Variants in POU2F3 observed in about 807,000 individuals in gnomAD.
POU2F3 encodes POU class 2 homeobox 3, also known as POU domain, class 2, transcription factor 3.
Under a neutral mutation model 59.2 loss-of-function variants are expected in POU2F3, and 23 were observed. The observed-to-expected ratio is 0.39, with a 90% confidence interval of 0.28 to 0.55. POU2F3 has a LOEUF of 0.55. Ranked by LOEUF, POU2F3 falls within the 20% of genes least tolerant of loss-of-function variation. POU2F3 has a pLI of 0.66. For synonymous variants in POU2F3, 190 were observed against 214.6 expected (o/e 0.89, Z 1.00); for missense variants, 473 against 544.5 (o/e 0.87, Z 1.31).
intron 9 of POU2F3, among the ~76,000 whole-genome samples, chr11:120,308,670 A>G (rs1349015851): frequency 6.6e-6 from 1 of 151,822 alleles, no homozygotes; most frequent in Non-Finnish European, 1.5e-5. Context: ...AGGCATGGTG[A>G]CTCATGCCTG....
chr11:120,279,759 G>A (rs1410846495), intron 3 of POU2F3, among the ~76,000 whole-genome samples: 2 of 152,184 alleles, frequency 1.3e-5, no homozygotes, highest in Non-Finnish European at 2.9e-5. Context: ...GCCCCATAAT[G>A]AACAGCACAG....
chr11:120,248,463 C>A (rs1163356350), intron 2 of POU2F3, among the ~76,000 whole-genome samples: 1 of 152,206 alleles, frequency 6.6e-6, no homozygotes, highest in Non-Finnish European at 1.5e-5. Flanking sequence ...CACATGGCAG[C>A]TGTGATCGTC....
rs1269657761 is a variant in POU2F3 at position 120,319,208 on chromosome 11, C to T, written c.*816C>T. 3 of 152,602 alleles carry T rather than the reference C, an allele frequency of 2.0e-5. No individual in the cohort carries two copies. The highest frequency in any genetic ancestry group is 2.4e-5 in the African/African-American group (1 of 41,432). 9.5% of individuals were successfully genotyped at this position (152,602 alleles called of 1,614,324 possible). A position where few individuals can be genotyped will look rare whatever the true frequency, so the allele number is the denominator to read the frequency against. ...AGAAAAGGAAGAACACAAGAGCAAA[C>T]ACACAACAATGATGGTGGCAAAGTA... On this transcript the variant is annotated 3_prime_UTR_variant, in exon 13 of 13. Coordinates refer to ENST00000543440, the MANE Select transcript of POU2F3 (RefSeq NM_014352.4).
At chr11:120,299,756 C>T (rs992307939) in intron 5 of POU2F3, 30 bp downstream of exon 5, 1 of 1,563,810 alleles carries the variant, frequency 6.4e-7, no homozygotes, top group African/African-American at 1.4e-5. Context: ...CCACCTAGAC[C>T]AAGTCCAGTC....
Position 120,246,447 on chromosome 11 carries a change from A to G in POU2F3, c.29-2A>G, listed in dbSNP as rs774458859. 1 of 1,614,030 alleles carries G rather than the reference A, an allele frequency of 6.2e-7. No individual in the cohort carries two copies. The highest frequency in any genetic ancestry group is 8.5e-7 in the Non-Finnish European group (1 of 1,179,980). ...TTAAAATCAGTTGTGTTTTCCCTGC[A>G]GATATCAAGATGAGTGGGGATGTAG... On this transcript the variant is annotated splice_acceptor_variant, in intron 1 of 12. Coordinates refer to ENST00000543440, the MANE Select transcript of POU2F3 (RefSeq NM_014352.4). LOFTEE classifies it high-confidence loss of function.
intron 3 of POU2F3, among the ~76,000 whole-genome samples, chr11:120,277,767 G>A (rs1340425469): frequency 6.6e-6 from 1 of 152,132 alleles, no homozygotes; most frequent in Non-Finnish European, 1.5e-5. Context: ...GGGCAGCAGC[G>A]AGACTCCGTT....
intron 2 of POU2F3, among the ~76,000 whole-genome samples, chr11:120,252,588 G>A (rs1362146121): frequency 6.6e-6 from 1 of 152,096 alleles, no homozygotes; most frequent in African/African-American, 2.4e-5. Flanking sequence ...GTACTGATTC[G>A]CCACTCAGCC....
intron 3 of POU2F3, among the ~76,000 whole-genome samples, chr11:120,296,949 A>G (rs1941209069): frequency 6.6e-6 from 1 of 152,240 alleles, no homozygotes; most frequent in African/African-American, 2.4e-5. Context: ...ATTAAGCACA[A>G]GTTTAGCTGT....
chr11:120,289,830 G>A (rs1403595652), intron 3 of POU2F3, among the ~76,000 whole-genome samples: 3 of 152,102 alleles, frequency 2.0e-5, no homozygotes, highest in Admixed American at 2.0e-4. Flanking sequence ...AAAGCGAATG[G>A]CAGCCTTTTC....
In POU2F3 at chr11:120,319,129, C is replaced by T. The variant is rs1478079523; in HGVS notation, c.*737C>T. ...TAGGGCTCAGGAGTGCTTGTTCTTT[C>T]CCTTCCTCCCTGTGTTTCTCTTTAT... On this transcript the variant is annotated 3_prime_UTR_variant, in exon 13 of 13. Coordinates refer to ENST00000543440, the MANE Select transcript of POU2F3 (RefSeq NM_014352.4). 6.6e-6 allele frequency: 1 copy of T among 152,650 alleles called. No homozygotes were observed. The highest frequency in any genetic ancestry group is 1.5e-5 in the Non-Finnish European group (1 of 68,082). The allele number at this position is 152,650 out of a possible 1,614,324, so 9.5% of individuals were successfully genotyped here. A position where few individuals can be genotyped will look rare whatever the true frequency, so the allele number is the denominator to read the frequency against.
At chr11:120,310,944 C>T (rs1941633648) in intron 10 of POU2F3, among the ~76,000 whole-genome samples, 1 of 152,184 alleles carries the variant, frequency 6.6e-6, no homozygotes, top group East Asian at 1.9e-4. Flanking sequence ...AGCTAACCAG[C>T]CTTGGGAGCT....
At chr11:120,282,082 G>C (rs1359148412) in intron 3 of POU2F3, among the ~76,000 whole-genome samples, 1 of 152,160 alleles carries the variant, frequency 6.6e-6, no homozygotes, top group Non-Finnish European at 1.5e-5. Context: ...AGGCTCTGAA[G>C]ACCTCTGGTT....
chr11:120,297,848 GC>G (rs1317324075), intron 3 of POU2F3, among the ~76,000 whole-genome samples: 1 of 151,854 alleles, frequency 6.6e-6, no homozygotes, highest in African/African-American at 2.4e-5. Context: ...ATAGCTCACT[GC>G]AGCCTCAAAC....
In POU2F3 at chr11:120,278,236, G is replaced by A. The variant is rs186526320; in HGVS notation, c.132+8992G>A. Reference sequence around the variant, plus strand: ...GCACTTGGAAGTCATATAAAAAGTTGTATGGGATGCAAAGAAGTGTTTATT... The same window carrying A: ...GCACTTGGAAGTCATATAAAAAGTTATATGGGATGCAAAGAAGTGTTTATT... On this transcript the variant is annotated intron_variant, in intron 3 of 12. Transcript: ENST00000543440. 9.2e-5 allele frequency among the ~76,000 whole-genome samples: 14 copies of A among 152,322 alleles called. No homozygotes were observed. The East Asian group carries it at 2.7e-3, about 29-fold the overall frequency.
At chr11:120,244,148 T>G (rs1591369944) in intron 1 of POU2F3, among the ~76,000 whole-genome samples, 1 of 152,320 alleles carries the variant, frequency 6.6e-6, no homozygotes, top group East Asian at 1.9e-4. Context: ...CCTCTTAACT[T>G]TTTCCTGTCC....
intron 2 of POU2F3, among the ~76,000 whole-genome samples, chr11:120,263,155 C>A (rs547927043): frequency 3.3e-4 from 50 of 152,134 alleles, no homozygotes; most frequent in African/African-American, 9.4e-4. Context: ...CCACACCCAG[C>A]TAATTTTTGT....
intron 6 of POU2F3, 170 bp downstream of exon 6, chr11:120,302,538 G>T: frequency 3.4e-6 from 2 of 594,262 alleles, no homozygotes; most frequent in Non-Finnish European, 2.9e-6. Flanking sequence ...GCAAGTGGGG[G>T]GACAATTTAC....
At chr11:120,270,046 G>C (rs1277024937) in intron 3 of POU2F3, among the ~76,000 whole-genome samples, 1 of 152,170 alleles carries the variant, frequency 6.6e-6, no homozygotes, top group African/African-American at 2.4e-5. Context: ...GTCCTAGAGT[G>C]AGGGAGAGGG....
chr11:120,289,930 G>C (rs1215381837), intron 3 of POU2F3, among the ~76,000 whole-genome samples: 1 of 152,174 alleles, frequency 6.6e-6, no homozygotes, highest in African/African-American at 2.4e-5. Context: ...TAACCTGGGG[G>C]CTTCCTATTC....
Sources: allele counts gnomAD v4.1 joint callset (sites outside exome capture counted in the v4.1 genomes callset), GRCh38; gene constraint gnomAD v4.1.1; transcripts MANE v1.5; gene names NCBI Gene and HGNC (gene_info 2026-07-23, HGNC 2026-07-21).